Variants in FBXL17 observed in about 807,000 individuals in gnomAD.
FBXL17 encodes the protein F-box/LRR-repeat protein 17.
Under a neutral mutation model 66.2 loss-of-function variants are expected in FBXL17, and 22 were observed. That is an observed-to-expected ratio of 0.33 (90% CI 0.24 to 0.47). FBXL17 has a LOEUF of 0.47. Among genes scored for constraint, FBXL17 ranks in the 20% least tolerant of loss-of-function variants. The pLI, the probability that FBXL17 is intolerant of heterozygous loss-of-function variation, is 1.00. For missense variants in FBXL17, 878 were observed against 948.2 expected (o/e 0.93, Z 0.97); for synonymous variants, 474 against 400.5 (o/e 1.18, Z -2.19).
chr5:108,342,860 C>T (rs72793335), intron 4 of FBXL17, among the ~76,000 whole-genome samples: 2,433 of 152,196 alleles, frequency 0.016, 27 homozygotes, highest in Middle Eastern at 0.024. Context: ...ATAGCAAAAT[C>T]CTGAGATGTA....
intron 8 of FBXL17, among the ~76,000 whole-genome samples, chr5:107,872,338 C>T (rs1013058489): frequency 3.3e-5 from 5 of 152,142 alleles, no homozygotes; most frequent in African/African-American, 1.2e-4. Context: ...CATATGAAAT[C>T]CAAGGGGGGA....
intron 6 of FBXL17, among the ~76,000 whole-genome samples, chr5:108,101,651 T>C (rs969458615): frequency 1.3e-5 from 2 of 152,244 alleles, no homozygotes; most frequent in South Asian, 2.1e-4. Context: ...TGTTTATAAT[T>C]AGCCATTTTA....
chr5:108,106,823 G>A (rs193168570), intron 6 of FBXL17, among the ~76,000 whole-genome samples: 118 of 152,228 alleles, frequency 7.8e-4, no homozygotes, highest in Non-Finnish European at 1.4e-3. Context: ...AAATTAGATA[G>A]TAGCAATAGT....
intron 1 of FBXL17, among the ~76,000 whole-genome samples, chr5:108,370,871 A>C (rs1748989855): frequency 6.6e-6 from 1 of 152,208 alleles, no homozygotes; most frequent in Non-Finnish European, 1.5e-5. Context: ...AATATATTAA[A>C]AGCAATTGCC....
intron 6 of FBXL17, among the ~76,000 whole-genome samples, chr5:108,176,670 C>T (rs1272620458): frequency 1.3e-5 from 2 of 152,052 alleles, no homozygotes; most frequent in East Asian, 3.9e-4. Context: ...TAGATTTTTC[C>T]TTTAAAGTGA....
intron 4 of FBXL17, among the ~76,000 whole-genome samples, chr5:108,278,025 CA>C (rs1362749556): frequency 3.3e-5 from 5 of 151,920 alleles, no homozygotes; most frequent in Non-Finnish European, 7.4e-5. Context: ...AACAGAAAAG[CA>C]AAAGGAAACA....
intron 4 of FBXL17, among the ~76,000 whole-genome samples, chr5:108,289,851 A>G (rs1758042155): frequency 6.6e-6 from 1 of 152,186 alleles, no homozygotes; most frequent in Non-Finnish European, 1.5e-5. Context: ...TATGTGCTCA[A>G]TATTTGGTAA....
At chr5:108,217,575 G>A (rs994000542) in intron 5 of FBXL17, among the ~76,000 whole-genome samples, 5 of 151,590 alleles carry the variant, frequency 3.3e-5, no homozygotes, top group Admixed American at 6.6e-5. Flanking sequence ...ATTATTTGTG[G>A]TCGACCACTT....
At chr5:108,323,789 A>G (rs1023264641) in intron 4 of FBXL17, among the ~76,000 whole-genome samples, 7 of 152,074 alleles carry the variant, frequency 4.6e-5, no homozygotes, top group Non-Finnish European at 1.0e-4. Flanking sequence ...TCTTGCATAA[A>G]AAGTCAAATT....
At chr5:108,108,298 C>T (rs951699184) in intron 6 of FBXL17, among the ~76,000 whole-genome samples, 3 of 152,166 alleles carry the variant, frequency 2.0e-5, no homozygotes, top group African/African-American at 7.2e-5. Flanking sequence ...CCCACAAAGA[C>T]AGTGTAGTTT....
intron 6 of FBXL17, among the ~76,000 whole-genome samples, chr5:108,023,249 T>C (rs530807219): frequency 9.9e-5 from 15 of 152,248 alleles, no homozygotes; most frequent in African/African-American, 2.9e-4. Context: ...GACAAAACCA[T>C]ACTCCTTGGA....
At chr5:108,021,736 A>C (rs1486390038) in intron 6 of FBXL17, among the ~76,000 whole-genome samples, 3 of 151,860 alleles carry the variant, frequency 2.0e-5, no homozygotes, top group Non-Finnish European at 4.4e-5. Context: ...GTAATGATTA[A>C]CAATATTATC....
At chr5:108,329,315 TAG>T (rs1760008263) in intron 4 of FBXL17, among the ~76,000 whole-genome samples, 1 of 152,108 alleles carries the variant, frequency 6.6e-6, no homozygotes, top group Admixed American at 6.5e-5. Context: ...CTTGGTTTCT[TAG>T]ATGTCAAAGC....
At chr5:107,991,019 GTTA>G (rs1753220310) in intron 7 of FBXL17, among the ~76,000 whole-genome samples, 1 of 112,554 alleles carries the variant, frequency 8.9e-6, no homozygotes, top group Non-Finnish European at 2.0e-5. Context: ...AAAAGGGCTA[GTTA>G]CAGACATAAA....
At chr5:108,158,194 A>G (rs1475559952) in intron 6 of FBXL17, among the ~76,000 whole-genome samples, 1 of 152,146 alleles carries the variant, frequency 6.6e-6, no homozygotes, top group Admixed American at 6.5e-5. Context: ...AAAATTATTA[A>G]GTTCAGAAAG....
intron 4 of FBXL17, among the ~76,000 whole-genome samples, chr5:108,269,747 T>G (rs1475807583): frequency 6.6e-6 from 1 of 152,068 alleles, no homozygotes; most frequent in Non-Finnish European, 1.5e-5. Flanking sequence ...TTATTTGTCT[T>G]GGAATCCATA....
Position 108,381,533 on chromosome 5 carries a change from G to C in FBXL17, c.159C>G (p.Cys53Trp). Residue 53 changes from cysteine to tryptophan, a missense_variant, in exon 1 of 9, where the codon TGC (cysteine) becomes TGG (tryptophan). By Grantham distance (215) the Cys-to-Trp change is radical (BLOSUM62 -2). This residue lies in a region of FBXL17 where 605 missense variants were observed against 509.5 expected (regional missense o/e 1.19). Coordinates refer to ENST00000542267, the MANE Select transcript of FBXL17 (RefSeq NM_001163315.3). The stretch of plus-strand genomic sequence containing the variant: ...AGAGCATGCAGGGCCCGCGGAAGAA[G>C]CAGTCCCGGCTCCGGGGCGCCGCCG... ...PQPAAPRSRD[C>W]FFRGPCMLCF... 1 of 1,419,068 alleles carries C rather than the reference G, an allele frequency of 7.0e-7. No homozygotes were observed. The highest frequency in any genetic ancestry group is 2.3e-4 in the Middle Eastern group (1 of 4,440). 87.9% of individuals were successfully genotyped at this position (1,419,068 alleles called of 1,614,324 possible). A position where few individuals can be genotyped will look rare whatever the true frequency, so the allele number is the denominator to read the frequency against.
At chr5:108,180,412 A>T (rs1467056767) in intron 6 of FBXL17, among the ~76,000 whole-genome samples, 1 of 152,000 alleles carries the variant, frequency 6.6e-6, no homozygotes, top group East Asian at 1.9e-4. Context: ...AGGCTGAGGC[A>T]GGAGAATCAC....
chr5:108,291,634 T>C (rs1420281125), intron 4 of FBXL17, among the ~76,000 whole-genome samples: 1 of 152,162 alleles, frequency 6.6e-6, no homozygotes, highest in East Asian at 1.9e-4. Flanking sequence ...ACTTCCAAAT[T>C]ACCATGATCT....
Sources: allele counts gnomAD v4.1 joint callset (sites outside exome capture counted in the v4.1 genomes callset), GRCh38; gene constraint gnomAD v4.1.1; regional missense constraint gnomAD v4.1.1; transcripts MANE v1.5; gene names NCBI Gene and HGNC (gene_info 2026-07-23, HGNC 2026-07-21).